Variants in MBNL2 observed in about 807,000 individuals in gnomAD.
MBNL2 encodes the protein muscleblind-like protein 2.
A neutral mutation model predicts 41.9 loss-of-function variants in MBNL2; 17 were observed. The ratio of observed to expected loss-of-function variants is 0.41; its 90% confidence interval spans 0.28 to 0.61. The LOEUF (loss-of-function observed/expected upper bound fraction) is 0.61, where lower values mean the gene tolerates loss of function less well. Among genes scored for constraint, MBNL2 ranks in the 20% least tolerant of loss-of-function variants. MBNL2 has a pLI of 0.35. For synonymous variants in MBNL2, 195 were observed against 182.9 expected (o/e 1.07, Z -0.53); for missense variants, 336 against 505.6 (o/e 0.66, Z 3.22).
At chr13:97,333,994 A>AAAG (rs2060650562) in intron 2 of MBNL2, among the ~76,000 whole-genome samples, 1 of 113,384 alleles carries the variant, frequency 8.8e-6, no homozygotes, top group Non-Finnish European at 1.9e-5. Context: ...GAGGGAAAGA[A>AAAG]AGAGAAAGAG....
At chr13:97,264,909 C>T (rs1006039246) in intron 1 of MBNL2, among the ~76,000 whole-genome samples, 2 of 152,216 alleles carry the variant, frequency 1.3e-5, no homozygotes, top group African/African-American at 4.8e-5. Flanking sequence ...TGGCTACAGC[C>T]ATTGGTTCCT....
intron 2 of MBNL2, among the ~76,000 whole-genome samples, chr13:97,291,778 C>T (rs2056052689): frequency 6.6e-6 from 1 of 151,456 alleles, no homozygotes; most frequent in Non-Finnish European, 1.5e-5. Flanking sequence ...ACCTGTAATC[C>T]CAGCTACTCA....
chr13:97,269,852 C>T (rs2050581423), intron 1 of MBNL2, among the ~76,000 whole-genome samples: 1 of 152,212 alleles, frequency 6.6e-6, no homozygotes, highest in African/African-American at 2.4e-5. Flanking sequence ...AGATCTACAC[C>T]AGGTCTAATC....
At chr13:97,382,400 C>T (rs1012602036) in intron 8 of MBNL2, among the ~76,000 whole-genome samples, 1 of 152,202 alleles carries the variant, frequency 6.6e-6, no homozygotes, top group African/African-American at 2.4e-5. Flanking sequence ...TCACCAAACC[C>T]CCAGATGTCC....
chr13:97,244,985 A>T (rs1387151489), intron 1 of MBNL2, among the ~76,000 whole-genome samples: 1 of 152,166 alleles, frequency 6.6e-6, no homozygotes, highest in African/African-American at 2.4e-5. Context: ...AATAATGACC[A>T]TTAAGAAGTT....
intron 1 of MBNL2, among the ~76,000 whole-genome samples, chr13:97,233,675 T>G (rs1194268614): frequency 1.5e-5 from 2 of 133,598 alleles, no homozygotes; most frequent in South Asian, 4.8e-4. Context: ...AGTTTCCCTG[T>G]TTTTTTTTTT....
At chr13:97,381,751 T>C (rs1205827873) in intron 8 of MBNL2, among the ~76,000 whole-genome samples, 2 of 151,860 alleles carry the variant, frequency 1.3e-5, no homozygotes, top group East Asian at 1.9e-4. Flanking sequence ...GATATACTTA[T>C]ATCAACAATA....
rs768781962 is a variant in MBNL2, at chr13:97,276,383, G to A, written c.148G>A (p.Val50Ile). 6.2e-7 allele frequency: 1 copy of A among 1,613,946 alleles called. No homozygotes were observed. Among genetic ancestry groups the A allele is most frequent in the African/African-American group, 1.3e-5 (1 of 74,918 alleles). Reference protein sequence around the residue: ...PKSCQVENGRVIACFDSLKGR... With the variant: ...PKSCQVENGRIIACFDSLKGR... Reference sequence around the variant, plus strand: ...AAGTTGTCAGGTTGAAAATGGAAGAGTAATTGCCTGCTTTGATTCCCTAAA... The same window carrying A: ...AAGTTGTCAGGTTGAAAATGGAAGAATAATTGCCTGCTTTGATTCCCTAAA... The change falls in exon 2 of 9, where the codon GTA becomes ATA. Residue 50 changes from valine to isoleucine, a missense_variant. Coordinates refer to ENST00000679496, the MANE Select transcript of MBNL2 (RefSeq NM_001382683.1).
chr13:97,163,590 A>G, the MBNL2 span, among the ~76,000 whole-genome samples: 1 of 152,198 alleles, frequency 6.6e-6, no homozygotes, highest in South Asian at 2.1e-4. Flanking sequence ...TAGGAGAAGA[A>G]TTGCAGCATC....
At chr13:97,148,444 T>G in the MBNL2 span, among the ~76,000 whole-genome samples, 3 of 152,210 alleles carry the variant, frequency 2.0e-5, no homozygotes, top group Non-Finnish European at 2.9e-5. Context: ...TTAGCCTTTA[T>G]GTAAACGATG....
the MBNL2 span, among the ~76,000 whole-genome samples, chr13:97,189,210 T>C: frequency 6.6e-6 from 1 of 152,192 alleles, no homozygotes; most frequent in Non-Finnish European, 1.5e-5. Flanking sequence ...ACACTTCTTA[T>C]ACTTAACTGT....
chr13:97,349,901 GTCTTTT>G (rs1291782285), intron 5 of MBNL2, among the ~76,000 whole-genome samples: 1 of 152,176 alleles, frequency 6.6e-6, no homozygotes, highest in African/African-American at 2.4e-5. Flanking sequence ...AGAGAATGGT[GTCTTTT>G]ATACCAGCTC....
At chr13:97,370,335 G>A (rs1355288256) in intron 8 of MBNL2, among the ~76,000 whole-genome samples, 1 of 152,152 alleles carries the variant, frequency 6.6e-6, no homozygotes, top group East Asian at 1.9e-4. Flanking sequence ...TTTGAACAGA[G>A]CTTTGAGCTA....
At position 97,372,335 on chromosome 13, in the gene MBNL2, A is replaced by G. The variant is rs146710105; in HGVS notation, c.1048+7164A>G. ...TACCACATCTTCTGAACTCTCCTCC[A>G]AAGATTAAGTACATTCAACAGAGAG... On this transcript the variant is annotated intron_variant, in intron 8 of 8. Coordinates refer to ENST00000679496, the MANE Select transcript of MBNL2 (RefSeq NM_001382683.1). Among the ~76,000 whole-genome samples the G allele has an allele frequency of 4.6e-5, 7 of 152,306 alleles. No individual in the cohort carries two copies. The East Asian group carries it at 1.2e-3, about 25-fold the overall frequency.
intron 1 of MBNL2, among the ~76,000 whole-genome samples, chr13:97,239,526 A>T (rs963034747): frequency 4.6e-5 from 7 of 152,222 alleles, no homozygotes; most frequent in African/African-American, 1.4e-4. Context: ...GGTGATGAAA[A>T]ATGAATGCAT....
intron 2 of MBNL2, among the ~76,000 whole-genome samples, chr13:97,310,610 T>C (rs1405710820): frequency 6.6e-6 from 1 of 151,858 alleles, no homozygotes; most frequent in Non-Finnish European, 1.5e-5. Flanking sequence ...TTTGTATTTT[T>C]AGTAGAGACA....
At chr13:97,155,110 G>T in the MBNL2 span, among the ~76,000 whole-genome samples, 1 of 152,014 alleles carries the variant, frequency 6.6e-6, no homozygotes, top group African/African-American at 2.4e-5. Flanking sequence ...CATTTTTAGA[G>T]CTTTTTGTTT....
At chr13:97,294,470 T>C (rs2056711347) in intron 2 of MBNL2, among the ~76,000 whole-genome samples, 1 of 152,224 alleles carries the variant, frequency 6.6e-6, no homozygotes, top group Admixed American at 6.5e-5. Context: ...AAAAATGTCA[T>C]AGCAGAGAGC....
chr13:97,328,267 G>C (rs142788374), intron 2 of MBNL2, among the ~76,000 whole-genome samples: 1 of 143,794 alleles, frequency 7.0e-6, no homozygotes, highest in African/African-American at 2.6e-5. Context: ...AAGAGCCTTT[G>C]TCTTGACCTC....
Sources: gnomAD v4.1 joint callset for allele counts (sites outside exome capture counted in the v4.1 genomes callset) on GRCh38, gnomAD v4.1.1 for gene constraint, MANE v1.5 for transcripts, NCBI Gene and HGNC (gene_info 2026-07-23, HGNC 2026-07-21) for gene names.